Variants in SETD2 observed in about 807,000 individuals in gnomAD.
SETD2 encodes histone-lysine N-methyltransferase SETD2.
In SETD2, 31 loss-of-function variants were observed where a neutral mutation model predicts 242.1. The ratio of observed to expected loss-of-function variants is 0.13; its 90% CI spans 0.10 to 0.17. The LOEUF is 0.17. Among genes scored for constraint, SETD2 ranks in the 10% least tolerant of loss-of-function variants. The pLI is 1.00. For synonymous variants in SETD2, 1,006 were observed against 1,066.5 expected (o/e 0.94, Z 1.11); for missense variants, 2,481 against 3,046.3 (o/e 0.81, Z 4.37).
intron 6 of SETD2, among the ~76,000 whole-genome samples, chr3:47,105,395 G>A (rs1389887762): frequency 1.6e-5 from 2 of 127,770 alleles, no homozygotes; most frequent in Non-Finnish European, 3.1e-5. Flanking sequence ...AGGTAATATA[G>A]CAAGACACTA....
intron 13 of SETD2, among the ~76,000 whole-genome samples, chr3:47,065,519 C>T (rs1296834739): frequency 6.6e-6 from 1 of 152,102 alleles, no homozygotes. Flanking sequence ...ATTCTTAAGG[C>T]TGGGCATAGT....
intron 10 of SETD2, among the ~76,000 whole-genome samples, chr3:47,087,516 C>A (rs1342287679): frequency 6.6e-6 from 1 of 152,244 alleles, no homozygotes; most frequent in Non-Finnish European, 1.5e-5. Context: ...CAGTAATGCT[C>A]ACTCACCTCC....
chr3:47,019,501 C>A (rs989866294), intron 19 of SETD2, among the ~76,000 whole-genome samples: 1 of 152,198 alleles, frequency 6.6e-6, no homozygotes, highest in Non-Finnish European at 1.5e-5. Flanking sequence ...AGACAGCTTT[C>A]TTTTGCCATA....
intron 9 of SETD2, among the ~76,000 whole-genome samples, chr3:47,095,439 A>T (rs1453414325): frequency 6.6e-6 from 1 of 152,126 alleles, no homozygotes; most frequent in Non-Finnish European, 1.5e-5. Flanking sequence ...TGGCCTGGAA[A>T]GTTTTTATGG....
At chr3:47,104,812 C>T (rs1043116638) in intron 6 of SETD2, among the ~76,000 whole-genome samples, 1 of 152,184 alleles carries the variant, frequency 6.6e-6, no homozygotes, top group African/African-American at 2.4e-5. Flanking sequence ...TGGTTCATGC[C>T]TGTAATCCCA....
At chr3:47,135,158 C>T (rs1575833279) in intron 1 of SETD2, among the ~76,000 whole-genome samples, 2 of 152,186 alleles carry the variant, frequency 1.3e-5, no homozygotes, top group African/African-American at 4.8e-5. Context: ...ATAATAATTG[C>T]CATGAGTAGA....
intron 18 of SETD2, among the ~76,000 whole-genome samples, chr3:47,034,039 C>G (rs2038894840): frequency 6.6e-6 from 1 of 152,212 alleles, no homozygotes. Context: ...CCAAAGTAGG[C>G]TGCCGTGCCT....
intron 2 of SETD2, among the ~76,000 whole-genome samples, chr3:47,126,306 G>A (rs1177140097): frequency 6.6e-6 from 1 of 152,220 alleles, no homozygotes; most frequent in African/African-American, 2.4e-5. Context: ...ACAGGCATGA[G>A]CCAAATACTT....
chr3:47,160,282 A>G (rs926380213), intron 1 of SETD2, among the ~76,000 whole-genome samples: 23 of 151,432 alleles, frequency 1.5e-4, no homozygotes, highest in African/African-American at 5.1e-4. Context: ...ACCTTTGAAC[A>G]CTCTACATTA....
chr3:47,105,852 G>A (rs752201221), intron 6 of SETD2, 145 bp downstream of exon 6: 20 of 876,030 alleles, frequency 2.3e-5, no homozygotes, highest in African/African-American at 2.0e-4. Flanking sequence ...GCAGTGAGCC[G>A]AGATCTTGCC....
rs559551318 is a variant in SETD2, at chr3:47,089,243, T to C, written c.5143-996A>G. On this transcript the variant is annotated intron_variant, in intron 9 of 20. Coordinates refer to ENST00000409792, the MANE Select transcript of SETD2 (RefSeq NM_014159.7). ...GGAAGATGACTTGAGCTCAGGAGTT[T>C]AAGACCAGCCTGGGCAACACAGCCA... Among the ~76,000 whole-genome samples, 23 of 152,198 alleles carry C rather than the reference T, an allele frequency of 1.5e-4. No homozygotes were observed. The South Asian group carries it at 4.8e-3, about 32-fold the overall frequency.
intron 5 of SETD2, among the ~76,000 whole-genome samples, chr3:47,110,712 T>C: frequency 6.6e-6 from 1 of 152,144 alleles, no homozygotes; most frequent in East Asian, 1.9e-4. Flanking sequence ...AAACTATTGG[T>C]ATTACACATC....
intron 1 of SETD2, among the ~76,000 whole-genome samples, chr3:47,137,984 T>C (rs2043629385): frequency 6.6e-6 from 1 of 151,550 alleles, no homozygotes. Context: ...ACTTTCTTTT[T>C]TTTTTGAGAC....
intron 1 of SETD2, among the ~76,000 whole-genome samples, chr3:47,162,882 C>A (rs1409165823): frequency 6.6e-6 from 1 of 152,190 alleles, no homozygotes; most frequent in Non-Finnish European, 1.5e-5. Flanking sequence ...GATACAGCAG[C>A]AGATTCAGAC....
intron 5 of SETD2, among the ~76,000 whole-genome samples, chr3:47,106,760 C>T (rs1165962475): frequency 3.4e-5 from 5 of 146,978 alleles, no homozygotes; most frequent in African/African-American, 7.5e-5. Context: ...TGCAGTGAGC[C>T]GAGATCGCGC....
At chr3:47,144,954 ACAAT>A (rs763233784) in intron 1 of SETD2, among the ~76,000 whole-genome samples, 10 of 152,282 alleles carry the variant, frequency 6.6e-5, no homozygotes, top group South Asian at 2.1e-4. Flanking sequence ...TGTCTCAAAA[ACAAT>A]CAATCAATCA....
At chr3:47,101,594 A>AGTG (rs1559720509) in intron 7 of SETD2, 39 bp from the exon 8 acceptor site, 1 of 1,028,994 alleles carries the variant, frequency 9.7e-7, no homozygotes, top group East Asian at 2.5e-5. Flanking sequence ...TTAGTAACTT[A>AGTG]TTAGTGTGTG....
intron 12 of SETD2, among the ~76,000 whole-genome samples, chr3:47,075,564 C>CAAAAAA (rs55635941): frequency 2.6e-5 from 2 of 76,440 alleles, no homozygotes; most frequent in Admixed American, 1.6e-4. Flanking sequence ...AACTCCGTCT[C>CAAAAAA]AAAAAAAAAA....
intron 8 of SETD2, among the ~76,000 whole-genome samples, chr3:47,099,132 T>C (rs2042112427): frequency 1.3e-5 from 2 of 152,166 alleles, no homozygotes; most frequent in African/African-American, 4.8e-5. Context: ...GAAGCATGTA[T>C]GAAACAATGT....
Sources: gnomAD v4.1 joint callset for allele counts (sites outside exome capture counted in the v4.1 genomes callset) on GRCh38, gnomAD v4.1.1 for gene constraint, MANE v1.5 for transcripts, NCBI Gene and HGNC (gene_info 2026-07-23, HGNC 2026-07-21) for gene names.